MARCHF6: variants seen among roughly 807,000 people sequenced by gnomAD.
The protein encoded by MARCHF6 is E3 ubiquitin-protein ligase MARCHF6.
MARCHF6 carries 31 observed loss-of-function variants against 133.7 expected under a neutral mutation model. That is an observed-to-expected ratio of 0.23 (90% confidence interval 0.17 to 0.31). MARCHF6 has a LOEUF of 0.31. MARCHF6 is among the 10% of genes least tolerant of loss of function. The pLI is 1.00. For synonymous variants in MARCHF6, 395 were observed against 402.5 expected, an observed-to-expected ratio of 0.98 and a Z score of 0.22; for missense variants, 723 against 1,121.6, an observed-to-expected ratio of 0.64 and a Z score of 5.08.
intron 10 of MARCHF6, among the ~76,000 whole-genome samples, chr5:10,400,312 A>G (rs762421555): frequency 2.0e-5 from 3 of 152,192 alleles, no homozygotes; most frequent in Non-Finnish European, 4.4e-5. Context: ...ACAGATGCTC[A>G]TATTTTTCCC....
chr5:10,426,532 G>A lies in MARCHF6; in HGVS notation c.2506+10G>A. 1 of 1,613,184 alleles carries A rather than the reference G, an allele frequency of 6.2e-7. No homozygotes were observed. The highest frequency in any genetic ancestry group is 8.5e-7 in the Non-Finnish European group (1 of 1,179,736). On this transcript the variant is annotated intron_variant, in intron 24 of 25. Transcript: ENST00000274140. Reference sequence around the variant, plus strand: ...GTTGTTCCTTTACTAGGTACGTAATGCTGGTTGTGGAGCCTTGAAGGAGCA... The same window carrying A: ...GTTGTTCCTTTACTAGGTACGTAATACTGGTTGTGGAGCCTTGAAGGAGCA...
At chr5:10,396,956 T>C (rs1226285012) in intron 9 of MARCHF6, among the ~76,000 whole-genome samples, 2 of 152,226 alleles carry the variant, frequency 1.3e-5, no homozygotes, top group African/African-American at 4.8e-5. Context: ...TTTTCTCCAT[T>C]TGAAATTTTT....
chr5:10,381,483 T>C (rs1737141299), intron 3 of MARCHF6, among the ~76,000 whole-genome samples: 1 of 152,184 alleles, frequency 6.6e-6, no homozygotes, highest in African/African-American at 2.4e-5. Flanking sequence ...GATGATTATA[T>C]TGGTTGAATG....
intron 5 of MARCHF6, among the ~76,000 whole-genome samples, chr5:10,389,887 CAT>C (rs560281029): frequency 5.8e-4 from 89 of 152,222 alleles, no homozygotes; most frequent in African/African-American, 1.1e-3. Context: ...AGTTTTTAAA[CAT>C]GTGTAAAATA....
chr5:10,356,506 C>T (rs1381612655), intron 1 of MARCHF6, among the ~76,000 whole-genome samples: 1 of 151,724 alleles, frequency 6.6e-6, no homozygotes, highest in Non-Finnish European at 1.5e-5. Flanking sequence ...AGCGATTCTC[C>T]TGTCTCAGCC....
chr5:10,392,242 C>T (rs967261992), intron 7 of MARCHF6, among the ~76,000 whole-genome samples: 6 of 152,290 alleles, frequency 3.9e-5, no homozygotes, highest in African/African-American at 1.4e-4. Context: ...AGGCGTGAGC[C>T]ACTGCGCCCG....
chr5:10,365,128 A>C (rs1736063520), intron 1 of MARCHF6, among the ~76,000 whole-genome samples: 1 of 151,902 alleles, frequency 6.6e-6, no homozygotes, highest in Non-Finnish European at 1.5e-5. Flanking sequence ...ATCTCACAGA[A>C]GTGCTTCTCA....
chr5:10,394,999 C>T (rs1292429646), intron 9 of MARCHF6, among the ~76,000 whole-genome samples: 2 of 152,050 alleles, frequency 1.3e-5, no homozygotes, highest in Admixed American at 6.5e-5. Flanking sequence ...TGGGGTTTCA[C>T]CATGTTAGCC....
intron 1 of MARCHF6, chr5:10,354,549 T>A (rs1435373829): frequency 6.6e-6 from 1 of 152,162 alleles, no homozygotes; most frequent in African/African-American, 2.4e-5. Context: ...TTTGTTTTGT[T>A]TTGCGATTGC....
intron 3 of MARCHF6, 58 bp downstream of exon 3, chr5:10,378,890 G>A: frequency 8.0e-6 from 9 of 1,128,976 alleles, no homozygotes; most frequent in Non-Finnish European, 1.2e-5. Flanking sequence ...TGGCATAAAG[G>A]TGTTTGATAT....
At chr5:10,419,695 C>T (rs548709692) in intron 22 of MARCHF6, among the ~76,000 whole-genome samples, 1 of 151,518 alleles carries the variant, frequency 6.6e-6, no homozygotes, top group Non-Finnish European at 1.5e-5. Context: ...TTTTGCAATA[C>T]CTAACAAAAT....
chr5:10,369,540 T>C (rs1736333647), intron 1 of MARCHF6, among the ~76,000 whole-genome samples: 1 of 152,072 alleles, frequency 6.6e-6, no homozygotes, highest in Middle Eastern at 3.4e-3. Context: ...TTATTTAATA[T>C]CTATTTTGAC....
rs1358886072 is a variant in MARCHF6 at position 10,435,126 on chromosome 5, A to T, written c.*1442A>T. The T allele has an allele frequency of 6.6e-6, 1 of 152,664 alleles. No individual in the cohort carries two copies. The allele number at this position is 152,664 out of a possible 1,614,324, so 9.5% of individuals were successfully genotyped here. ...AGAAACTATAAAAGAATTTTCATATAGTATTAAAATCCATAGACTAAAATC... is the reference window on the plus strand; with the variant it reads ...AGAAACTATAAAAGAATTTTCATATTGTATTAAAATCCATAGACTAAAATC... On this transcript the variant is annotated 3_prime_UTR_variant, in exon 26 of 26. Coordinates refer to ENST00000274140, the MANE Select transcript of MARCHF6 (RefSeq NM_005885.4).
intron 21 of MARCHF6, among the ~76,000 whole-genome samples, chr5:10,416,077 G>A (rs878985042): frequency 4.6e-5 from 7 of 151,996 alleles, no homozygotes; most frequent in Non-Finnish European, 8.8e-5. Flanking sequence ...CTTTATACAC[G>A]TGCATGCACA....
rs200405883 is a variant in MARCHF6 at position 10,380,155 on chromosome 5, T to TTGTGTGTGTG, written c.190+1351_190+1360dup. 7.1e-3 allele frequency among the ~76,000 whole-genome samples: 1,034 copies of TTGTGTGTGTG among 145,842 alleles called. 15 individuals are homozygous for TTGTGTGTGTG. The highest frequency in any genetic ancestry group is 0.024 in the African/African-American group (954 of 39,690). On this transcript the variant is annotated intron_variant, in intron 3 of 25. Coordinates refer to ENST00000274140, the MANE Select transcript of MARCHF6 (RefSeq NM_005885.4). Reference sequence around the variant, plus strand: ...CTTACAAAGGATTTTTGTGTTTTAGTTGTGTGTGTGTGTGTGTGTGTGTGT... The same window carrying TTGTGTGTGTG: ...CTTACAAAGGATTTTTGTGTTTTAGTTGTGTGTGTGTGTGTGTGTGTGTGTGTGTGTGTGT...
Position 10,387,108 on chromosome 5 carries a change from T to A in MARCHF6, c.407+42T>A, listed in dbSNP as rs754155302. The A allele has an allele frequency of 3.5e-6, 5 of 1,415,214 alleles. No homozygotes were observed. In the Admixed American group the frequency reaches 9.2e-5, roughly 26 times the overall value. 87.7% of individuals were successfully genotyped at this position (1,415,214 alleles called of 1,614,324 possible). On this transcript the variant is annotated intron_variant, in intron 5 of 25. Coordinates refer to ENST00000274140, the MANE Select transcript of MARCHF6 (RefSeq NM_005885.4). ...TGTGACGAATGTTGCATGATGTAGATGATGCTTGCTTTTTTCCTTGCATAT... is the reference window on the plus strand; with the variant it reads ...TGTGACGAATGTTGCATGATGTAGAAGATGCTTGCTTTTTTCCTTGCATAT...
chr5:10,411,225 A>G (rs1739212682), intron 18 of MARCHF6, 108 bp from the exon 19 acceptor site: 1 of 856,540 alleles, frequency 1.2e-6, no homozygotes, highest in Admixed American at 2.1e-5. Flanking sequence ...CAAATTCTGT[A>G]TTATACATTT....
At chr5:10,397,425 A>G (rs1286915865) in intron 10 of MARCHF6, 81 bp downstream of exon 10, 1 of 1,056,404 alleles carries the variant, frequency 9.5e-7, no homozygotes, top group South Asian at 1.6e-5. Context: ...TAGGTTTATT[A>G]TTATTTTTTA....
At chr5:10,407,232 C>A in intron 17 of MARCHF6, 30 bp downstream of exon 17, 1 of 1,190,646 alleles carries the variant, frequency 8.4e-7, no homozygotes, top group Non-Finnish European at 1.2e-6. Flanking sequence ...AATAGCTTTA[C>A]TAATTTATCT....
Sources: gnomAD v4.1 joint callset for allele counts (sites outside exome capture counted in the v4.1 genomes callset) on GRCh38, gnomAD v4.1.1 for gene constraint, MANE v1.5 for transcripts, NCBI Gene and HGNC (gene_info 2026-07-23, HGNC 2026-07-21) for gene names.